TOM1L2: variants seen among roughly 807,000 people sequenced by gnomAD.
TOM1L2 encodes target of myb1 like 2 membrane trafficking protein, also known as TOM1-like protein 2.
TOM1L2 carries 31 observed loss-of-function variants against 67.9 expected under a neutral mutation model. That is an observed-to-expected ratio of 0.46 (90% CI 0.34 to 0.62). The LOEUF (loss-of-function observed/expected upper bound fraction) is 0.62. Among genes scored for constraint, TOM1L2 ranks in the 20% least tolerant of loss-of-function variants. TOM1L2 has a pLI of 0.01. For missense variants in TOM1L2, 606 were observed against 663.5 expected (o/e 0.91, Z 0.95); for synonymous variants, 256 against 254.0 (o/e 1.01, Z -0.07).
intron 1 of TOM1L2, among the ~76,000 whole-genome samples, chr17:17,952,475 C>T (rs549324525): frequency 2.7e-5 from 4 of 146,344 alleles, no homozygotes; most frequent in East Asian, 4.1e-4. Context: ...ACTGCAGCCT[C>T]GACCTTCCCA....
chr17:17,965,910 C>G (rs1440590083), intron 1 of TOM1L2, among the ~76,000 whole-genome samples: 2 of 152,126 alleles, frequency 1.3e-5, no homozygotes, highest in African/African-American at 4.8e-5. Flanking sequence ...CATCTGAGGT[C>G]AGGAGTTTGA....
In TOM1L2 at chr17:17,847,507, G is replaced by C; in HGVS notation, c.*128C>G. 1.6e-6 allele frequency: 2 copies of C among 1,275,774 alleles called. No homozygotes were observed. The highest frequency in any genetic ancestry group is 3.0e-5 in the South Asian group (2 of 67,716). 79.0% of individuals were successfully genotyped at this position (1,275,774 alleles called of 1,614,324 possible). A position where few individuals can be genotyped will look rare whatever the true frequency, so the allele number is the denominator to read the frequency against. On this transcript the variant is annotated 3_prime_UTR_variant, in exon 15 of 15. Coordinates refer to ENST00000379504, the MANE Select transcript of TOM1L2 (RefSeq NM_001082968.2). ...TAGTGGGAGGCCTGGGAGCAGACAC[G>C]GTGGCATTTCCATGGAAACACAGGT...
intron 1 of TOM1L2, among the ~76,000 whole-genome samples, chr17:17,937,131 G>A (rs2040543748): frequency 6.6e-6 from 1 of 152,196 alleles, no homozygotes; most frequent in African/African-American, 2.4e-5. Flanking sequence ...GGATAAAGGA[G>A]AGCAATGCCT....
intron 4 of TOM1L2, among the ~76,000 whole-genome samples, chr17:17,890,621 GA>G (rs1250447358): frequency 6.6e-6 from 1 of 152,152 alleles, no homozygotes; most frequent in Non-Finnish European, 1.5e-5. Flanking sequence ...CAATGCGTGT[GA>G]CACCCACAAA....
chr17:17,936,771 A>T (rs1213541548), intron 1 of TOM1L2, among the ~76,000 whole-genome samples: 1 of 152,236 alleles, frequency 6.6e-6, no homozygotes, highest in Non-Finnish European at 1.5e-5. Flanking sequence ...CTCTGTAAAG[A>T]AAAATGTTTT....
intron 1 of TOM1L2, among the ~76,000 whole-genome samples, chr17:17,951,211 A>G (rs2041193559): frequency 6.6e-6 from 1 of 152,246 alleles, no homozygotes; most frequent in Admixed American, 6.5e-5. Context: ...ACCAGCACCC[A>G]GTAGACGGCA....
chr17:17,944,503 A>G (rs2040862028), intron 1 of TOM1L2, among the ~76,000 whole-genome samples: 1 of 152,220 alleles, frequency 6.6e-6, no homozygotes, highest in Non-Finnish European at 1.5e-5. Flanking sequence ...GATCCGTGGG[A>G]TCAGAGATTT....
chr17:17,884,178 G>C (rs1465043558), intron 5 of TOM1L2, among the ~76,000 whole-genome samples: 2 of 152,160 alleles, frequency 1.3e-5, no homozygotes, highest in African/African-American at 2.4e-5. Context: ...GATTGATGCT[G>C]AATACTCACA....
intron 2 of TOM1L2, among the ~76,000 whole-genome samples, chr17:17,904,012 T>A (rs1019494268): frequency 3.5e-5 from 5 of 143,618 alleles, no homozygotes; most frequent in Non-Finnish European, 7.4e-5. Context: ...TATTATTATT[T>A]TTAAGATATG....
At chr17:17,860,439 T>G (rs192658231) in intron 12 of TOM1L2, among the ~76,000 whole-genome samples, 17 of 152,268 alleles carry the variant, frequency 1.1e-4, no homozygotes, top group Middle Eastern at 6.8e-3. Context: ...ATCCACCAGG[T>G]GAAGACCAGC....
At chr17:17,943,725 T>G (rs1224788680) in intron 1 of TOM1L2, among the ~76,000 whole-genome samples, 2 of 152,058 alleles carry the variant, frequency 1.3e-5, no homozygotes, top group African/African-American at 4.8e-5. Flanking sequence ...CCCCTAAGTA[T>G]TAAAAACCTC....
At chr17:17,887,312 TG>T (rs1324516869) in intron 4 of TOM1L2, among the ~76,000 whole-genome samples, 1 of 152,250 alleles carries the variant, frequency 6.6e-6, no homozygotes, top group Non-Finnish European at 1.5e-5. Context: ...CAATCTCTAT[TG>T]AATAGGATTC....
chr17:17,862,535 G>T, intron 11 of TOM1L2, 196 bp downstream of exon 11: 1 of 578,280 alleles, frequency 1.7e-6, no homozygotes. Context: ...GTGTGTGTTT[G>T]GGGGGGTGGG....
intron 1 of TOM1L2, 125 bp downstream of exon 1, chr17:17,972,137 C>T: frequency 4.1e-6 from 5 of 1,222,202 alleles, no homozygotes; most frequent in East Asian, 2.9e-5. Context: ...TGGAGTGGCA[C>T]CCGCGGCTGG....
chr17:17,863,920 G>A (rs751443530), intron 10 of TOM1L2, among the ~76,000 whole-genome samples: 1 of 152,118 alleles, frequency 6.6e-6, no homozygotes, highest in Non-Finnish European at 1.5e-5. Context: ...AAGCTGGAGT[G>A]CAGTGGCATG....
chr17:17,942,564 C>A (rs1486153874), intron 1 of TOM1L2, among the ~76,000 whole-genome samples: 1 of 152,152 alleles, frequency 6.6e-6, no homozygotes, highest in Non-Finnish European at 1.5e-5. Context: ...CCGATATGTA[C>A]ACCTTCCCTT....
chr17:17,907,416 G>C (rs780501308), intron 2 of TOM1L2, 31 bp downstream of exon 2: 20 of 1,607,940 alleles, frequency 1.2e-5, no homozygotes, highest in Non-Finnish European at 1.5e-5. Flanking sequence ...AAAGCTCAGA[G>C]AGGCTTCCCA....
chr17:17,967,170 T>C (rs1399506883), intron 1 of TOM1L2, among the ~76,000 whole-genome samples: 1 of 152,228 alleles, frequency 6.6e-6, no homozygotes, highest in Admixed American at 6.5e-5. Context: ...ACGTCTACCA[T>C]TCACAGGATA....
At chr17:17,946,471 C>T (rs989426367) in intron 1 of TOM1L2, among the ~76,000 whole-genome samples, 2 of 152,188 alleles carry the variant, frequency 1.3e-5, no homozygotes, top group South Asian at 4.1e-4. Context: ...CAATATATAG[C>T]TGTTTGTGTC....
Sources: allele counts gnomAD v4.1 joint callset (sites outside exome capture counted in the v4.1 genomes callset), GRCh38; gene constraint gnomAD v4.1.1; transcripts MANE v1.5; gene names NCBI Gene and HGNC (gene_info 2026-07-23, HGNC 2026-07-21).